The following AOPEP variants were observed in gnomAD, a reference collection of about 807,000 sequenced individuals.
The protein encoded by AOPEP is aminopeptidase O.
AOPEP carries 77 observed loss-of-function variants against 98.1 expected under a neutral mutation model. The observed-to-expected ratio is 0.78, with a 90% CI of 0.65 to 0.95. The LOEUF (loss-of-function observed/expected upper bound fraction) is 0.95. Ranked by LOEUF, AOPEP falls within the 40% of genes least tolerant of loss-of-function variation. AOPEP has a pLI of 0.00. For synonymous variants in AOPEP, 346 were observed against 365.3 expected (o/e 0.95, Z 0.60); for missense variants, 1,024 against 1,024.7 (o/e 1.00, Z 0.01).
intron 4 of AOPEP, among the ~76,000 whole-genome samples, chr9:94,794,109 CT>C (rs1443816432): frequency 2.6e-5 from 4 of 152,024 alleles, no homozygotes; most frequent in Non-Finnish European, 5.9e-5. Flanking sequence ...TGATTTCTTT[CT>C]TTTTTGAAGT....
In AOPEP at chr9:94,901,225, C is replaced by T. The variant is rs534522316; in HGVS notation, c.1365-22761C>T. 7.2e-5 allele frequency among the ~76,000 whole-genome samples: 11 copies of T among 152,330 alleles called. No individual in the cohort carries two copies. In the East Asian group the frequency reaches 1.7e-3, roughly 24 times the overall value. ...AATTGACTTATACTTATGGCCCTTT[C>T]AGCTTTTAATGAAGAATGGCCAAAA... On this transcript the variant is annotated intron_variant, in intron 5 of 16. Transcript: ENST00000375315.
At chr9:94,735,617 A>G (rs546991955) in intron 1 of AOPEP, among the ~76,000 whole-genome samples, 113 of 152,344 alleles carry the variant, frequency 7.4e-4, no homozygotes, top group Admixed American at 2.2e-3. Context: ...CATTTTGAGA[A>G]ACACTGTGCT....
chr9:94,854,834 T>A (rs956802037), intron 5 of AOPEP, among the ~76,000 whole-genome samples: 1 of 152,170 alleles, frequency 6.6e-6, no homozygotes, highest in African/African-American at 2.4e-5. Flanking sequence ...AACATCCAAA[T>A]GTATCTGACA....
At chr9:94,800,059 G>A (rs917567449) in intron 4 of AOPEP, among the ~76,000 whole-genome samples, 3 of 152,126 alleles carry the variant, frequency 2.0e-5, no homozygotes, top group African/African-American at 7.2e-5. Flanking sequence ...GGCAGTGGTC[G>A]GATGAAGCAG....
rs1348295683 is a variant in AOPEP at position 95,078,422 on chromosome 9, T to TA, written c.2233-2271dup. Among the ~76,000 whole-genome samples, 7 of 152,262 alleles carry TA rather than the reference T, an allele frequency of 4.6e-5. 1 individual carries two copies. In the East Asian group the frequency reaches 1.3e-3, roughly 29 times the overall value. ...AAATTGTATAATGTCCTCCAAGTTT[T>TA]AGAGTGACAGCAGTCATTGCCAAAA... is the stretch of plus-strand genomic sequence containing the variant. On this transcript the variant is annotated intron_variant, in intron 14 of 16. Transcript: ENST00000375315.
chr9:94,788,072 A>G (rs1844822997), intron 3 of AOPEP, among the ~76,000 whole-genome samples: 1 of 151,904 alleles, frequency 6.6e-6, no homozygotes, highest in African/African-American at 2.4e-5. Flanking sequence ...TTCTTCATTT[A>G]TATTATTATT....
In AOPEP at chr9:94,800,895, G is replaced by C; in HGVS notation, c.1257G>C (p.Leu419=). Residue 419 remains leucine (L), a synonymous_variant, in exon 5 of 17, where the codon CTG becomes CTC. Coordinates refer to ENST00000375315, the MANE Select transcript of AOPEP (RefSeq NM_001193329.3). ...TGACQETLLR[L]IPPCLSAAHS... ...CCTGCCAAGAGACCCTTCTGCGGCT[G>C]ATCCCTCCTTGCCTCTCAGCAGCAC... The C allele has an allele frequency of 6.2e-7, 1 of 1,614,102 alleles. No homozygotes were observed. The highest frequency in any genetic ancestry group is 8.5e-7 in the Non-Finnish European group (1 of 1,180,026).
intron 3 of AOPEP, among the ~76,000 whole-genome samples, chr9:94,785,861 T>TTTA (rs1419427870): frequency 3.3e-5 from 5 of 152,216 alleles, no homozygotes; most frequent in African/African-American, 1.2e-4. Flanking sequence ...GTAAACACCA[T>TTTA]TTAAATAGTC....
At chr9:95,054,947 A>T (rs913945307) in intron 13 of AOPEP, among the ~76,000 whole-genome samples, 6 of 152,178 alleles carry the variant, frequency 3.9e-5, no homozygotes, top group African/African-American at 1.4e-4. Context: ...ATCCAATTTT[A>T]TGCCCCACAA....
intron 5 of AOPEP, among the ~76,000 whole-genome samples, chr9:94,889,071 G>A (rs1320972664): frequency 6.6e-6 from 1 of 152,052 alleles, no homozygotes; most frequent in Admixed American, 6.5e-5. Context: ...TCAGCTCACT[G>A]CAACCTCTGT....
the AOPEP span, chr9:95,111,387 C>G: frequency 6.3e-7 from 1 of 1,597,282 alleles, no homozygotes; most frequent in Non-Finnish European, 8.5e-7. Context: ...AAGCCCACAA[C>G]AGAGCCCCTC....
chr9:95,093,533 T>C, the AOPEP span, among the ~76,000 whole-genome samples: 1 of 152,230 alleles, frequency 6.6e-6, no homozygotes, highest in Non-Finnish European at 1.5e-5. Context: ...CTTTGCATAC[T>C]TGATAACAAC....
intron 3 of AOPEP, among the ~76,000 whole-genome samples, chr9:94,780,094 T>C (rs1842945908): frequency 6.6e-6 from 1 of 152,202 alleles, no homozygotes; most frequent in Admixed American, 6.5e-5. Flanking sequence ...TGCCTGTTTT[T>C]GTAAATAAAG....
chr9:94,894,044 A>G (rs1004571639), intron 5 of AOPEP, among the ~76,000 whole-genome samples: 1 of 152,214 alleles, frequency 6.6e-6, no homozygotes, highest in African/African-American at 2.4e-5. Context: ...TTTGGGTCAA[A>G]GAATAAATTA....
intron 5 of AOPEP, among the ~76,000 whole-genome samples, chr9:94,801,638 G>C (rs1360249068): frequency 3.9e-5 from 6 of 152,306 alleles, no homozygotes; most frequent in African/African-American, 1.4e-4. Flanking sequence ...TTGGTTCCCT[G>C]TATTTATTTA....
chr9:94,731,192 C>T (rs1368232526), intron 1 of AOPEP, among the ~76,000 whole-genome samples: 1 of 151,716 alleles, frequency 6.6e-6, no homozygotes, highest in African/African-American at 2.4e-5. Flanking sequence ...TTACTTCTCT[C>T]TTGTAGTGTT....
intron 14 of AOPEP, among the ~76,000 whole-genome samples, chr9:95,071,932 G>GT (rs2068553032): frequency 6.6e-6 from 1 of 152,166 alleles, no homozygotes; most frequent in Admixed American, 6.5e-5. Flanking sequence ...AAGGCCCAGG[G>GT]TGTCAGGACT....
intron 5 of AOPEP, among the ~76,000 whole-genome samples, chr9:94,893,798 C>T (rs562566482): frequency 3.9e-5 from 6 of 152,222 alleles, no homozygotes; most frequent in African/African-American, 1.4e-4. Context: ...ACAGAAATAA[C>T]ATTATTCTCT....
intron 5 of AOPEP, among the ~76,000 whole-genome samples, chr9:94,923,615 T>C (rs565820536): frequency 1.1e-4 from 16 of 152,368 alleles, no homozygotes; most frequent in African/African-American, 3.8e-4. Flanking sequence ...TTGATCACTC[T>C]CCTGACAGCT....
Sources: gnomAD v4.1 joint callset for allele counts (sites outside exome capture counted in the v4.1 genomes callset) on GRCh38, gnomAD v4.1.1 for gene constraint, MANE v1.5 for transcripts, NCBI Gene and HGNC (gene_info 2026-07-23, HGNC 2026-07-21) for gene names.